Variants in ZNF667 observed in about 807,000 individuals in gnomAD.
ZNF667 encodes the protein zinc finger protein 667.
A neutral mutation model predicts 31.8 loss-of-function variants in ZNF667; 13 were observed. That is an observed-to-expected ratio of 0.41 (90% confidence interval 0.27 to 0.65). The LOEUF (loss-of-function observed/expected upper bound fraction) is 0.65, where lower values mean the gene tolerates loss of function less well. Among genes scored for constraint, ZNF667 ranks in the 30% least tolerant of loss-of-function variants. The pLI is 0.32. For synonymous variants in ZNF667, 228 were observed against 247.1 expected (o/e 0.92, Z 0.73); for missense variants, 642 against 725.6 (o/e 0.88, Z 1.32).
chr19:56,448,876 C>T (rs972740341), intron 6 of ZNF667, among the ~76,000 whole-genome samples: 1 of 152,304 alleles, frequency 6.6e-6, no homozygotes, highest in East Asian at 1.9e-4. Context: ...ACGCTGGCTT[C>T]GGGTCAGACC....
chr19:56,450,834 C>T (rs1408144479), intron 6 of ZNF667, among the ~76,000 whole-genome samples: 5 of 152,102 alleles, frequency 3.3e-5, no homozygotes, highest in East Asian at 1.9e-4. Context: ...ATATTATTTA[C>T]GAGCCTCATG....
chr19:56,457,529 C>T (rs2042959271), intron 6 of ZNF667, among the ~76,000 whole-genome samples: 1 of 152,132 alleles, frequency 6.6e-6, no homozygotes, highest in Admixed American at 6.5e-5. Context: ...AATAACAGCA[C>T]CCACCTTATG....
At chr19:56,447,775 G>A (rs1489208515) in intron 6 of ZNF667, among the ~76,000 whole-genome samples, 9 of 152,126 alleles carry the variant, frequency 5.9e-5, no homozygotes, top group Non-Finnish European at 1.3e-4. Context: ...CGGCTACTCA[G>A]GAGGCTGGGG....
intron 6 of ZNF667, among the ~76,000 whole-genome samples, chr19:56,457,155 C>G (rs937528292): frequency 1.3e-5 from 2 of 151,834 alleles, no homozygotes; most frequent in African/African-American, 4.8e-5. Flanking sequence ...ACTTGGCCAA[C>G]CAAAGAGGAA....
intron 6 of ZNF667, among the ~76,000 whole-genome samples, chr19:56,451,129 G>A (rs1438225909): frequency 6.6e-6 from 1 of 151,690 alleles, no homozygotes; most frequent in Non-Finnish European, 1.5e-5. Context: ...AAAATAAAGG[G>A]AGGGAAAAAA....
chr19:56,471,833 T>C lies in ZNF667; in HGVS notation c.-194A>G, dbSNP rs890844682. On this transcript the variant is annotated 5_prime_UTR_variant, in exon 3 of 7. Transcript: ENST00000504904. Reference sequence around the variant, plus strand: ...GCCACGCACCCCAAATTTGAGAAGATGATTCTTGTCTGATATGGTCTGGCT... The same window carrying C: ...GCCACGCACCCCAAATTTGAGAAGACGATTCTTGTCTGATATGGTCTGGCT... 1 of 152,220 alleles carries C rather than the reference T, an allele frequency of 6.6e-6. No individual in the cohort carries two copies. Among genetic ancestry groups the C allele is most frequent in the Non-Finnish European group, 1.5e-5 (1 of 68,048 alleles). 9.4% of individuals were successfully genotyped at this position (152,220 alleles called of 1,614,324 possible).
Position 56,442,050 on chromosome 19 carries a change from T to C in ZNF667, c.945A>G (p.Leu315=), listed in dbSNP as rs753116460. 8 of 1,614,056 alleles carry C rather than the reference T, an allele frequency of 5.0e-6. No homozygotes were observed. The South Asian group carries it at 8.8e-5, about 18-fold the overall frequency. Residue 315 remains leucine, a synonymous_variant, in exon 7 of 7, where the codon TTA becomes TTG. Coordinates refer to ENST00000504904, the MANE Select transcript of ZNF667 (RefSeq NM_001321356.2). ...GEKIPENAKA[L]SQSLQQRSHH... is the part of the protein sequence containing the mutation. ...GACTTCTTTGCTGTAGACTCTGACT[T>C]AAGGCCTTCGCATTTTCAGGGATTT...
intron 6 of ZNF667, among the ~76,000 whole-genome samples, chr19:56,451,528 T>C (rs1376994728): frequency 6.6e-6 from 1 of 152,130 alleles, no homozygotes; most frequent in African/African-American, 2.4e-5. Context: ...CATGGATCAT[T>C]CTCAGGTATA....
At position 56,440,458 on chromosome 19, in the gene ZNF667, C is replaced by A. The variant is rs537393246; in HGVS notation, c.*704G>T. Reference sequence around the variant, plus strand: ...CCACAAGTTTGTCAGCTGAAAGTGGCACCCTGTTTTGCCGAGAAGTTCCTT... The same window carrying A: ...CCACAAGTTTGTCAGCTGAAAGTGGAACCCTGTTTTGCCGAGAAGTTCCTT... On this transcript the variant is annotated 3_prime_UTR_variant, in exon 7 of 7. Coordinates refer to ENST00000504904, the MANE Select transcript of ZNF667 (RefSeq NM_001321356.2). 220 of 379,198 alleles carry A rather than the reference C, an allele frequency of 5.8e-4. No individual in the cohort carries two copies. Among genetic ancestry groups the A allele is most frequent in the Admixed American group, 1.0e-3 (16 of 15,548 alleles). 23.5% of individuals were successfully genotyped at this position (379,198 alleles called of 1,614,324 possible). A position where few individuals can be genotyped will look rare whatever the true frequency, so the allele number is the denominator to read the frequency against.
At chr19:56,467,603 T>C (rs1260277025) in intron 3 of ZNF667, 2 of 152,252 alleles carry the variant, frequency 1.3e-5, no homozygotes, top group South Asian at 2.1e-4. Context: ...CACCTTCAGA[T>C]ACCAGTTGCA....
intron 3 of ZNF667, chr19:56,470,204 C>G (rs893620685): frequency 2.8e-6 from 1 of 361,480 alleles, no homozygotes; most frequent in Admixed American, 3.3e-5. Flanking sequence ...ACTCTATTTA[C>G]CCTCACTGCT....
intron 4 of ZNF667, among the ~76,000 whole-genome samples, chr19:56,462,029 A>C (rs889272420): frequency 6.6e-6 from 1 of 152,200 alleles, no homozygotes; most frequent in African/African-American, 2.4e-5. Flanking sequence ...AGTGGCTCTC[A>C]TCTTCCTCCA....
chr19:56,448,112 C>T (rs915452910), intron 6 of ZNF667, among the ~76,000 whole-genome samples: 5 of 152,122 alleles, frequency 3.3e-5, no homozygotes, highest in South Asian at 2.1e-4. Context: ...CATATGCCTG[C>T]ACCACCCCTC....
chr19:56,467,262 C>A (rs962352111), intron 3 of ZNF667, among the ~76,000 whole-genome samples: 3 of 152,060 alleles, frequency 2.0e-5, no homozygotes, highest in East Asian at 1.9e-4. Context: ...GGCCACCCCC[C>A]CAAAGATATG....
intron 3 of ZNF667, among the ~76,000 whole-genome samples, chr19:56,471,342 G>A (rs2043288422): frequency 6.6e-6 from 1 of 152,160 alleles, no homozygotes. Context: ...CTTTATAGCA[G>A]TGTGAGAACA....
intron 3 of ZNF667, among the ~76,000 whole-genome samples, chr19:56,464,486 C>T (rs1477667892): frequency 1.3e-5 from 2 of 152,012 alleles, no homozygotes; most frequent in Non-Finnish European, 2.9e-5. Flanking sequence ...AGAGTGAGAC[C>T]CTGTCTCAAA....
At position 56,440,623 on chromosome 19, in the gene ZNF667, G is replaced by A; in HGVS notation, c.*539C>T. 2 of 969,600 alleles carry A rather than the reference G, an allele frequency of 2.1e-6. No individual in the cohort carries two copies. Among genetic ancestry groups the A allele is most frequent in the Non-Finnish European group, 2.4e-6 (2 of 819,454 alleles). 60.1% of individuals were successfully genotyped at this position (969,600 alleles called of 1,614,324 possible). ...ATAAATTATCTTTAAAACTATGCTG[G>A]AAGTAAAATATCGGTAATTTTTTTT... is the stretch of plus-strand genomic sequence containing the variant. On this transcript the variant is annotated 3_prime_UTR_variant, in exon 7 of 7. Transcript: ENST00000504904.
intron 6 of ZNF667, among the ~76,000 whole-genome samples, chr19:56,449,826 A>G (rs577245652): frequency 6.6e-6 from 1 of 152,046 alleles, no homozygotes; most frequent in Non-Finnish European, 1.5e-5. Context: ...TCTGGAGCTG[A>G]AAAATTCAGT....
intron 5 of ZNF667, 101 bp from the exon 6 acceptor site, chr19:56,458,348 G>A (rs1176211674): frequency 1.4e-5 from 13 of 948,876 alleles, no homozygotes; most frequent in Non-Finnish European, 2.0e-5. Context: ...GTAGCATGAA[G>A]GGAGCACAGA....
Sources: gnomAD v4.1 joint callset for allele counts (sites outside exome capture counted in the v4.1 genomes callset) on GRCh38, gnomAD v4.1.1 for gene constraint, MANE v1.5 for transcripts, NCBI Gene and HGNC (gene_info 2026-07-23, HGNC 2026-07-21) for gene names.